The following MGAT4C variants were observed in gnomAD, a reference collection of about 807,000 sequenced individuals.
The protein encoded by MGAT4C is MGAT4 family member C.
Under a neutral mutation model 40.1 loss-of-function variants are expected in MGAT4C, and 19 were observed. That is an observed-to-expected ratio of 0.47 (90% CI 0.33 to 0.70). The LOEUF is 0.70. MGAT4C is among the 30% of genes least tolerant of loss of function. The pLI, the probability that MGAT4C is intolerant of heterozygous loss-of-function variation, is 0.02. For synonymous variants in MGAT4C, 181 were observed against 187.1 expected (o/e 0.97, Z 0.27); for missense variants, 491 against 563.2 (o/e 0.87, Z 1.30).
intron 4 of MGAT4C, among the ~76,000 whole-genome samples, chr12:86,283,683 A>G (rs1229182651): frequency 2.0e-5 from 3 of 152,092 alleles, no homozygotes; most frequent in Admixed American, 1.3e-4. Context: ...AGATTTTCAA[A>G]GCTCTGAGAT....
At chr12:86,473,936 T>C (rs1232543360) in intron 2 of MGAT4C, among the ~76,000 whole-genome samples, 2 of 152,156 alleles carry the variant, frequency 1.3e-5, no homozygotes, top group Non-Finnish European at 2.9e-5. Flanking sequence ...CAGAAGTTTC[T>C]ATCAATGGAT....
chr12:86,566,298 C>T (rs1007239438), intron 2 of MGAT4C, among the ~76,000 whole-genome samples: 9 of 151,432 alleles, frequency 5.9e-5, no homozygotes, highest in African/African-American at 1.2e-4. Context: ...CAATCTAATC[C>T]GCTGCCAGCA....
At chr12:86,227,464 C>G (rs1371333190) in intron 1 of MGAT4C, among the ~76,000 whole-genome samples, 2 of 152,004 alleles carry the variant, frequency 1.3e-5, no homozygotes, top group East Asian at 1.9e-4. Flanking sequence ...AGCATTTGTT[C>G]TCTGTGCCTA....
intron 3 of MGAT4C, among the ~76,000 whole-genome samples, chr12:86,428,899 A>C (rs1442794082): frequency 6.6e-6 from 1 of 151,818 alleles, no homozygotes; most frequent in East Asian, 1.9e-4. Flanking sequence ...GTTTCTTTTC[A>C]AAAAAGAGTT....
intron 1 of MGAT4C, among the ~76,000 whole-genome samples, chr12:86,743,856 T>C (rs535728421): frequency 1.3e-5 from 2 of 151,656 alleles, no homozygotes; most frequent in Non-Finnish European, 3.0e-5. Flanking sequence ...GTGGCTTTTT[T>C]TCTTACTCAA....
intron 2 of MGAT4C, among the ~76,000 whole-genome samples, chr12:86,563,908 A>G (rs555771636): frequency 6.6e-6 from 1 of 152,268 alleles, no homozygotes; most frequent in East Asian, 1.9e-4. Flanking sequence ...GCACTGACAT[A>G]CTTAGCAGCT....
chr12:86,167,570 G>A (rs1200676705), intron 1 of MGAT4C, among the ~76,000 whole-genome samples: 8 of 152,168 alleles, frequency 5.3e-5, no homozygotes, highest in African/African-American at 1.7e-4. Context: ...TGATTAAGAG[G>A]CTGCATCTGG....
chr12:86,234,878 T>C (rs1951467117), intron 1 of MGAT4C, among the ~76,000 whole-genome samples: 1 of 152,084 alleles, frequency 6.6e-6, no homozygotes, highest in African/African-American at 2.4e-5. Flanking sequence ...CATGAACTGG[T>C]ACTTCATCTG....
At chr12:86,079,453 A>C (rs1185460914) in intron 1 of MGAT4C, among the ~76,000 whole-genome samples, 1 of 152,196 alleles carries the variant, frequency 6.6e-6, no homozygotes, top group Non-Finnish European at 1.5e-5. Flanking sequence ...CTGGACTATG[A>C]GATCAAAAGA....
Position 86,772,350 on chromosome 12 carries a change from G to A in MGAT4C, c.-261-45109C>T, listed in dbSNP as rs144560664. On this transcript the variant is annotated intron_variant, in intron 1 of 7. Coordinates refer to the MGAT4C transcript ENST00000548651. ...AGCTTGTACTGAAGAAAATAAAGATGAAACAAAATAAACGGATGGAACAAA... is the reference window on the plus strand; with the variant it reads ...AGCTTGTACTGAAGAAAATAAAGATAAAACAAAATAAACGGATGGAACAAA... Among the ~76,000 whole-genome samples the A allele has an allele frequency of 8.1e-4, 124 of 152,266 alleles. 3 individuals are homozygous for A. The highest frequency in any genetic ancestry group is 1.8e-3 in the African/African-American group (74 of 41,570).
intron 1 of MGAT4C, among the ~76,000 whole-genome samples, chr12:86,235,646 G>A (rs1295913140): frequency 1.3e-5 from 2 of 151,948 alleles, no homozygotes; most frequent in African/African-American, 4.8e-5. Flanking sequence ...ATTGTACTTG[G>A]CTAATTCTGT....
intron 1 of MGAT4C, among the ~76,000 whole-genome samples, chr12:86,783,796 T>C (rs910208239): frequency 2.6e-5 from 4 of 152,188 alleles, no homozygotes; most frequent in Admixed American, 6.5e-5. Context: ...CAATATATAA[T>C]ATAAAGGAAA....
At chr12:86,088,815 C>T (rs572404549) in intron 1 of MGAT4C, among the ~76,000 whole-genome samples, 4 of 152,072 alleles carry the variant, frequency 2.6e-5, no homozygotes, top group African/African-American at 7.2e-5. Flanking sequence ...TGAATTCAAC[C>T]GTTGTGGAAA....
chr12:85,999,130 A>G (rs1196522289), intron 2 of MGAT4C, among the ~76,000 whole-genome samples: 1 of 152,142 alleles, frequency 6.6e-6, no homozygotes, highest in Non-Finnish European at 1.5e-5. Context: ...TCCTCTTTAT[A>G]AAACCATCAG....
At chr12:86,219,828 C>T (rs1213269723) in intron 1 of MGAT4C, among the ~76,000 whole-genome samples, 1 of 152,146 alleles carries the variant, frequency 6.6e-6, no homozygotes, top group Non-Finnish European at 1.5e-5. Flanking sequence ...GCCTATCCCC[C>T]TAATCATAAG....
intron 2 of MGAT4C, among the ~76,000 whole-genome samples, chr12:86,605,469 T>C (rs1962011574): frequency 6.6e-6 from 1 of 152,158 alleles, no homozygotes; most frequent in African/African-American, 2.4e-5. Flanking sequence ...CTAATAGTAA[T>C]GATAATTTTC....
rs992369869 is a variant in MGAT4C, at chr12:85,966,375, G to C, written c.*12914C>G. On this transcript the variant is annotated 3_prime_UTR_variant, in exon 5 of 5. Coordinates refer to ENST00000611864, the MANE Select transcript of MGAT4C (RefSeq NM_001351288.2). ...CATCTACCTACTTTGAAACTTTGGAGGTTTTATAAAAATTATGAGTATTTA... is the reference window on the plus strand; with the variant it reads ...CATCTACCTACTTTGAAACTTTGGACGTTTTATAAAAATTATGAGTATTTA... The C allele has an allele frequency of 6.6e-6, 1 of 151,720 alleles. No homozygotes were observed. Among genetic ancestry groups the C allele is most frequent in the African/African-American group, 2.4e-5 (1 of 41,258 alleles). The allele number at this position is 151,720 out of a possible 1,614,324, so 9.4% of individuals were successfully genotyped here.
intron 4 of MGAT4C, among the ~76,000 whole-genome samples, chr12:86,302,826 T>A (rs1466738562): frequency 6.6e-6 from 1 of 150,646 alleles, no homozygotes; most frequent in Non-Finnish European, 1.5e-5. Context: ...AGACTGCCAG[T>A]CGACCAATGA....
chr12:86,521,768 T>C (rs1268908954), intron 2 of MGAT4C, among the ~76,000 whole-genome samples: 2 of 152,060 alleles, frequency 1.3e-5, no homozygotes. Context: ...TTGTCATTCC[T>C]TTTTTTCCTT....
Sources: allele counts gnomAD v4.1 joint callset (sites outside exome capture counted in the v4.1 genomes callset), GRCh38; gene constraint gnomAD v4.1.1; transcripts MANE v1.5; gene names NCBI Gene and HGNC (gene_info 2026-07-23, HGNC 2026-07-21).